The following FARS2 variants were observed in gnomAD, a reference collection of about 807,000 sequenced individuals.
FARS2 encodes phenylalanyl-tRNA synthetase 2, mitochondrial.
Under a neutral mutation model 46.4 loss-of-function variants are expected in FARS2, and 40 were observed. That is an observed-to-expected ratio of 0.86 (90% CI 0.67 to 1.12). The LOEUF is 1.12. Among genes scored for constraint, FARS2 ranks in the 50% most tolerant of loss-of-function variants. The pLI, the probability that FARS2 is intolerant of heterozygous loss-of-function variation, is 0.00. For missense variants in FARS2, 513 were observed against 567.9 expected, an observed-to-expected ratio of 0.90 and a Z score of 0.98; for synonymous variants, 234 against 214.9, an observed-to-expected ratio of 1.09 and a Z score of -0.78.
At chr6:5,483,677 TAAATA>T (rs1376329137) in intron 4 of FARS2, among the ~76,000 whole-genome samples, 1 of 151,216 alleles carries the variant, frequency 6.6e-6, no homozygotes, top group African/African-American at 2.4e-5. Context: ...AAAAAATAAA[TAAATA>T]AATAAATAAT....
intron 2 of FARS2, among the ~76,000 whole-genome samples, chr6:5,396,007 C>A (rs540090853): frequency 1.3e-5 from 2 of 152,226 alleles, no homozygotes; most frequent in East Asian, 1.9e-4. Context: ...TTCTAGTATT[C>A]TATTAGGATA....
rs146985067 is a variant in FARS2, at chr6:5,411,095, G to A, written c.772+6394G>A. 3.1e-3 allele frequency among the ~76,000 whole-genome samples: 470 copies of A among 152,168 alleles called. 4 individuals are homozygous for A. Among genetic ancestry groups the A allele is most frequent in the African/African-American group, 0.011 (455 of 41,516 alleles). Reference sequence around the variant, plus strand: ...CTGTGAGGCCTATAAAAGCCATGATGTCCCCCTGGCCAAACAACAACAACA... The same window carrying A: ...CTGTGAGGCCTATAAAAGCCATGATATCCCCCTGGCCAAACAACAACAACA... On this transcript the variant is annotated intron_variant, in intron 3 of 6. Coordinates refer to ENST00000274680, the MANE Select transcript of FARS2 (RefSeq NM_006567.5).
intron 6 of FARS2, among the ~76,000 whole-genome samples, chr6:5,747,567 G>A (rs995070029): frequency 6.6e-5 from 10 of 152,202 alleles, no homozygotes; most frequent in Non-Finnish European, 4.4e-5. Context: ...ACCCCAGTAC[G>A]ATGTGGGAGG....
intron 1 of FARS2, among the ~76,000 whole-genome samples, chr6:5,347,848 A>G (rs1678315729): frequency 6.6e-6 from 1 of 152,214 alleles, no homozygotes; most frequent in African/African-American, 2.4e-5. Context: ...TTCTACTGGA[A>G]CAACAACAAG....
At position 5,681,308 on chromosome 6, in the gene FARS2, G is replaced by GA. The variant is rs200238415; in HGVS notation, c.1217+67997dup. 1.5e-3 allele frequency among the ~76,000 whole-genome samples: 234 copies of GA among 151,184 alleles called. 4 individuals are homozygous for GA. Among genetic ancestry groups the GA allele is most frequent in the Middle Eastern group, 6.8e-3 (2 of 294 alleles). ...TCTTAAAGAATAGCTGTGCACCTTT[G>GA]AAAAAAAAAGTTCACAATATAACAA... On this transcript the variant is annotated intron_variant, in intron 6 of 6. Transcript: ENST00000274680.
chr6:5,607,802 G>C (rs1774928295), intron 5 of FARS2, among the ~76,000 whole-genome samples: 1 of 151,952 alleles, frequency 6.6e-6, no homozygotes, highest in Non-Finnish European at 1.5e-5. Context: ...AGATCAAGTG[G>C]GAGATTTTAT....
chr6:5,583,183 A>G (rs967721847), intron 5 of FARS2, among the ~76,000 whole-genome samples: 65 of 152,386 alleles, frequency 4.3e-4, no homozygotes, highest in African/African-American at 1.5e-3. Flanking sequence ...CACTATGCCT[A>G]ATATATCACT....
intron 6 of FARS2, among the ~76,000 whole-genome samples, chr6:5,645,748 C>T (rs1042263471): frequency 2.0e-5 from 3 of 152,200 alleles, no homozygotes; most frequent in African/African-American, 7.2e-5. Context: ...CAGCCGGCTG[C>T]ATTCAGTTGA....
In FARS2 at chr6:5,284,530, G is replaced by T. The variant is rs1766978020; in HGVS notation, c.-22+22870G>T. 2.6e-5 allele frequency among the ~76,000 whole-genome samples: 4 copies of T among 152,216 alleles called. No individual in the cohort carries two copies. The South Asian group carries it at 8.3e-4, about 32-fold the overall frequency. ...CTTCCATGGCTTCTGGGTTCTGTTTGTTAACATTTTATTTGAGATTTCTGC... is the reference window on the plus strand; with the variant it reads ...CTTCCATGGCTTCTGGGTTCTGTTTTTTAACATTTTATTTGAGATTTCTGC... On this transcript the variant is annotated intron_variant, in intron 1 of 6. Coordinates refer to ENST00000274680, the MANE Select transcript of FARS2 (RefSeq NM_006567.5).
chr6:5,648,411 G>A (rs555057742), intron 6 of FARS2, among the ~76,000 whole-genome samples: 1 of 152,300 alleles, frequency 6.6e-6, no homozygotes, highest in South Asian at 2.1e-4. Context: ...TGGTCAGCTT[G>A]TTTCTCTCCC....
intron 6 of FARS2, among the ~76,000 whole-genome samples, chr6:5,623,018 T>C (rs1775851893): frequency 6.6e-6 from 1 of 152,182 alleles, no homozygotes; most frequent in African/African-American, 2.4e-5. Flanking sequence ...AATTTAGAAT[T>C]GGAAGGCATG....
chr6:5,542,300 A>G (rs991562396), intron 4 of FARS2, among the ~76,000 whole-genome samples: 2 of 152,184 alleles, frequency 1.3e-5, no homozygotes, highest in South Asian at 2.1e-4. Context: ...CAATTCTACT[A>G]TATGGATATA....
intron 4 of FARS2, among the ~76,000 whole-genome samples, chr6:5,445,552 T>C (rs1332895515): frequency 6.6e-6 from 1 of 152,246 alleles, no homozygotes; most frequent in Non-Finnish European, 1.5e-5. Flanking sequence ...AAAATTGTGA[T>C]TCTTAATTGG....
intron 4 of FARS2, among the ~76,000 whole-genome samples, chr6:5,529,949 C>G (rs1769719146): frequency 6.6e-6 from 1 of 152,184 alleles, no homozygotes. Context: ...CAGCCAACAC[C>G]AGACATGTGA....
At chr6:5,252,365 C>T in the FARS2 span, among the ~76,000 whole-genome samples, 2 of 152,216 alleles carry the variant, frequency 1.3e-5, no homozygotes, top group African/African-American at 4.8e-5. Context: ...ATGCCTCACT[C>T]TGCCTTGAAA....
intron 5 of FARS2, among the ~76,000 whole-genome samples, chr6:5,610,657 G>T (rs1348663794): frequency 1.3e-5 from 2 of 152,142 alleles, no homozygotes; most frequent in Non-Finnish European, 2.9e-5. Context: ...ACGACTATAT[G>T]CAGTTATCTG....
chr6:5,313,419 T>C (rs977389338), intron 1 of FARS2, among the ~76,000 whole-genome samples: 1 of 152,240 alleles, frequency 6.6e-6, no homozygotes, highest in Admixed American at 6.5e-5. Context: ...GGCCGTTCCT[T>C]ATCATTTTAG....
Position 5,538,557 on chromosome 6 carries a change from A to G in FARS2, c.905-6623A>G, listed in dbSNP as rs369495998. On this transcript the variant is annotated intron_variant, in intron 4 of 6. Coordinates refer to ENST00000274680, the MANE Select transcript of FARS2 (RefSeq NM_006567.5). The stretch of plus-strand genomic sequence containing the variant: ...GGCATCCTTAAAATTAAAAAAATCC[A>G]GTTGTCAAGAAAAGGAAGCCTTTTC... Among the ~76,000 whole-genome samples, 7 of 152,258 alleles carry G rather than the reference A, an allele frequency of 4.6e-5. No individual in the cohort carries two copies. In the South Asian group the frequency reaches 1.2e-3, roughly 27 times the overall value.
At chr6:5,602,395 T>A (rs111872508) in intron 5 of FARS2, among the ~76,000 whole-genome samples, 7,425 of 152,142 alleles carry the variant, frequency 0.049, 255 homozygotes, top group Middle Eastern at 0.15. Flanking sequence ...CCACCTGTAA[T>A]CCCAGCACTT....
Sources: allele counts gnomAD v4.1 joint callset (sites outside exome capture counted in the v4.1 genomes callset), GRCh38; gene constraint gnomAD v4.1.1; transcripts MANE v1.5; gene names NCBI Gene and HGNC (gene_info 2026-07-23, HGNC 2026-07-21).